Variants in EXOC4 observed in about 807,000 individuals in gnomAD.
EXOC4 encodes exocyst complex component 4.
A neutral mutation model predicts 107.2 loss-of-function variants in EXOC4; 71 were observed. That is an observed-to-expected ratio of 0.66 (90% CI 0.55 to 0.81). The LOEUF (loss-of-function observed/expected upper bound fraction) is 0.81. EXOC4 is among the 30% of genes least tolerant of loss of function. The pLI is 0.00. For synonymous variants in EXOC4, 456 were observed against 441.2 expected (o/e 1.03, Z -0.42); for missense variants, 1,108 against 1,189.6 (o/e 0.93, Z 1.01).
At chr7:133,676,961 G>GTGTATA (rs1219736314) in intron 10 of EXOC4, among the ~76,000 whole-genome samples, 7 of 149,662 alleles carry the variant, frequency 4.7e-5, no homozygotes, top group Non-Finnish European at 8.9e-5. Context: ...GTGTGTATGT[G>GTGTATA]TGTGTGTGTG....
intron 5 of EXOC4, among the ~76,000 whole-genome samples, chr7:133,332,344 T>C (rs1289170360): frequency 6.6e-6 from 1 of 152,138 alleles, no homozygotes; most frequent in Non-Finnish European, 1.5e-5. Flanking sequence ...TCTTAAGAAT[T>C]TGGAGGCCGG....
chr7:133,813,503 G>GAA (rs1797287217), intron 10 of EXOC4, among the ~76,000 whole-genome samples: 1 of 152,074 alleles, frequency 6.6e-6, no homozygotes, highest in Non-Finnish European at 1.5e-5. Context: ...TTTTCTTTTG[G>GAA]AAGGCAACCA....
intron 10 of EXOC4, among the ~76,000 whole-genome samples, chr7:133,633,173 G>C (rs1465340511): frequency 6.6e-6 from 1 of 152,134 alleles, no homozygotes; most frequent in Non-Finnish European, 1.5e-5. Context: ...CCACATATTG[G>C]CGAGGACATG....
chr7:133,976,520 A>G (rs534247155), intron 14 of EXOC4, among the ~76,000 whole-genome samples: 1 of 152,332 alleles, frequency 6.6e-6, no homozygotes, highest in African/African-American at 2.4e-5. Flanking sequence ...AAGAAATTCT[A>G]GAAACTACAG....
chr7:133,580,887 T>G (rs1348465730), intron 9 of EXOC4, among the ~76,000 whole-genome samples: 1 of 152,262 alleles, frequency 6.6e-6, no homozygotes, highest in East Asian at 1.9e-4. Flanking sequence ...TAAGTCATTG[T>G]GCCTGGCAAG....
chr7:133,534,790 A>G (rs1800242987), intron 9 of EXOC4, among the ~76,000 whole-genome samples: 1 of 152,154 alleles, frequency 6.6e-6, no homozygotes, highest in African/African-American at 2.4e-5. Context: ...GGTCTCATTG[A>G]TATCCTCATA....
intron 9 of EXOC4, among the ~76,000 whole-genome samples, chr7:133,530,763 A>G (rs928706744): frequency 6.6e-6 from 1 of 152,204 alleles, no homozygotes; most frequent in Admixed American, 6.5e-5. Context: ...TGAGAGTAAA[A>G]AAAGGAAAGT....
chr7:133,772,073 G>A (rs1219870960), intron 10 of EXOC4, among the ~76,000 whole-genome samples: 1 of 151,940 alleles, frequency 6.6e-6, no homozygotes, highest in Non-Finnish European at 1.5e-5. Flanking sequence ...GACAGGAGAA[G>A]TCACCCCCTC....
chr7:133,749,751 G>A (rs1279321167), intron 10 of EXOC4, among the ~76,000 whole-genome samples: 1 of 152,048 alleles, frequency 6.6e-6, no homozygotes, highest in Non-Finnish European at 1.5e-5. Context: ...AAACTTCAAA[G>A]GAATAATATT....
chr7:133,793,812 A>G (rs2151187406), intron 10 of EXOC4, among the ~76,000 whole-genome samples: 2 of 151,984 alleles, frequency 1.3e-5, no homozygotes, highest in South Asian at 4.2e-4. Flanking sequence ...CCTCTGCACT[A>G]CAACCTGGGG....
chr7:133,788,934 T>A (rs957226339), intron 10 of EXOC4, among the ~76,000 whole-genome samples: 3 of 152,200 alleles, frequency 2.0e-5, no homozygotes, highest in African/African-American at 7.2e-5. Context: ...ATGAAATACA[T>A]GTATTCTCAT....
Position 133,906,098 on chromosome 7 carries a change from C to G in EXOC4, c.1871+10363C>G, listed in dbSNP as rs1464353754. ...TAGGTAAAAGAGTGCTTTCATAGGT[C>G]TTGGTAAGAAGGAGTACATGATCGA... On this transcript the variant is annotated intron_variant, in intron 12 of 17. Coordinates refer to ENST00000253861, the MANE Select transcript of EXOC4 (RefSeq NM_021807.4). Among the ~76,000 whole-genome samples, 5 of 152,232 alleles carry G rather than the reference C, an allele frequency of 3.3e-5. No individual in the cohort carries two copies. The East Asian group carries it at 9.7e-4, about 29-fold the overall frequency.
In EXOC4 at chr7:133,953,617, C is replaced by G. The variant is rs188249530; in HGVS notation, c.2206+15548C>G. Among the ~76,000 whole-genome samples, 862 of 152,014 alleles carry G rather than the reference C, an allele frequency of 5.7e-3. 8 individuals are homozygous for G. The highest frequency in any genetic ancestry group is 0.02 in the African/African-American group (812 of 41,436). Reference sequence around the variant, plus strand: ...GGTGAGGTGTGATTGCACCACTGCACTCCAGCCCAGCAACAGAGAAAGACC... The same window carrying G: ...GGTGAGGTGTGATTGCACCACTGCAGTCCAGCCCAGCAACAGAGAAAGACC... On this transcript the variant is annotated intron_variant, in intron 14 of 17. Coordinates refer to ENST00000253861, the MANE Select transcript of EXOC4 (RefSeq NM_021807.4).
At chr7:133,476,164 T>G (rs952623090) in intron 8 of EXOC4, among the ~76,000 whole-genome samples, 1 of 152,172 alleles carries the variant, frequency 6.6e-6, no homozygotes, top group African/African-American at 2.4e-5. Context: ...TAGCTAACGT[T>G]TATTGAGTTC....
intron 11 of EXOC4, among the ~76,000 whole-genome samples, chr7:133,826,144 G>A (rs1797698017): frequency 6.6e-6 from 1 of 152,106 alleles, no homozygotes; most frequent in South Asian, 2.1e-4. Context: ...TGTTTAGATT[G>A]TCCAGCACTC....
chr7:133,447,894 TCTGAAGTTC>T (rs1798255093), intron 7 of EXOC4, among the ~76,000 whole-genome samples: 2 of 152,220 alleles, frequency 1.3e-5, no homozygotes, highest in African/African-American at 4.8e-5. Flanking sequence ...AAAAATTATT[TCTGAAGTTC>T]CTAAGCAAAA....
At chr7:133,783,831 A>C (rs562087510) in intron 10 of EXOC4, among the ~76,000 whole-genome samples, 5 of 152,228 alleles carry the variant, frequency 3.3e-5, no homozygotes, top group Non-Finnish European at 7.3e-5. Flanking sequence ...AAACTTTGCC[A>C]GACTCTTTCA....
chr7:133,515,308 T>C (rs1317404025), intron 9 of EXOC4, among the ~76,000 whole-genome samples: 2 of 150,798 alleles, frequency 1.3e-5, no homozygotes, highest in Non-Finnish European at 2.9e-5. Flanking sequence ...TGGAGATTAC[T>C]CCAATCAGTA....
intron 12 of EXOC4, among the ~76,000 whole-genome samples, chr7:133,901,270 G>A (rs374945338): frequency 2.0e-5 from 3 of 152,114 alleles, no homozygotes. Flanking sequence ...TAAGTTCCTT[G>A]TCTTCCTTGA....
Sources: allele counts gnomAD v4.1 joint callset (sites outside exome capture counted in the v4.1 genomes callset), GRCh38; gene constraint gnomAD v4.1.1; transcripts MANE v1.5; gene names NCBI Gene and HGNC (gene_info 2026-07-23, HGNC 2026-07-21).